NIBAN2: variants seen among roughly 807,000 people sequenced by gnomAD.
NIBAN2 encodes niban apoptosis regulator 2, also known as protein Niban 2.
In NIBAN2, 36 loss-of-function variants were observed where a neutral mutation model predicts 81.8. That is an observed-to-expected ratio of 0.44 (90% CI 0.34 to 0.58). The LOEUF (loss-of-function observed/expected upper bound fraction) is 0.58, where lower values mean the gene tolerates loss of function less well. Among genes scored for constraint, NIBAN2 ranks in the 20% least tolerant of loss-of-function variants. NIBAN2 has a pLI of 0.02. For synonymous variants in NIBAN2, 445 were observed against 441.6 expected, an observed-to-expected ratio of 1.01 and a Z score of -0.10; for missense variants, 897 against 1,014.1, an observed-to-expected ratio of 0.88 and a Z score of 1.57.
chr9:127,570,368 T>C (rs983862595), upstream of NIBAN2, among the ~76,000 whole-genome samples: 1 of 152,206 alleles, frequency 6.6e-6, no homozygotes, highest in Non-Finnish European at 1.5e-5. Flanking sequence ...CCAGGCCCTC[T>C]GCTAGATGCT....
intron 8 of NIBAN2, among the ~76,000 whole-genome samples, chr9:127,511,702 T>C (rs1382097643): frequency 6.6e-6 from 1 of 151,838 alleles, no homozygotes; most frequent in Non-Finnish European, 1.5e-5. Flanking sequence ...AATATAAGGA[T>C]CTCAAACAAG....
intron 2 of NIBAN2, among the ~76,000 whole-genome samples, chr9:127,527,592 T>A (rs1446285617): frequency 6.6e-6 from 1 of 152,196 alleles, no homozygotes; most frequent in Non-Finnish European, 1.5e-5. Flanking sequence ...GGACAGGCAC[T>A]GATGTAGGGC....
At chr9:127,516,513 C>T (rs756822823) in intron 8 of NIBAN2, among the ~76,000 whole-genome samples, 2 of 152,202 alleles carry the variant, frequency 1.3e-5, no homozygotes, top group African/African-American at 2.4e-5. Flanking sequence ...CGCACCACTA[C>T]ATTCCAGCCT....
intron 1 of NIBAN2, among the ~76,000 whole-genome samples, chr9:127,550,542 A>G (rs1483186334): frequency 6.6e-6 from 1 of 152,262 alleles, no homozygotes; most frequent in African/African-American, 2.4e-5. Context: ...CACTTTGCAC[A>G]GAAATATTTA....
intron 1 of NIBAN2, among the ~76,000 whole-genome samples, chr9:127,560,299 C>A (rs1837750026): frequency 6.6e-6 from 1 of 152,168 alleles, no homozygotes; most frequent in Admixed American, 6.5e-5. Flanking sequence ...ATCACTGAGG[C>A]CTGGCCACGC....
intron 1 of NIBAN2, among the ~76,000 whole-genome samples, 188 bp downstream of exon 1, chr9:127,568,632 C>A (rs1297296975): frequency 6.6e-6 from 1 of 152,064 alleles, no homozygotes; most frequent in Non-Finnish European, 1.5e-5. Flanking sequence ...CTCAGAAGAG[C>A]GCGGGAAGGG....
intron 1 of NIBAN2, among the ~76,000 whole-genome samples, chr9:127,566,919 C>G (rs1428802460): frequency 6.7e-5 from 10 of 149,672 alleles, no homozygotes; most frequent in Non-Finnish European, 1.3e-4. Flanking sequence ...ATCAGGAACT[C>G]CCCTCAGGTG....
At chr9:127,573,504 T>A (rs2132247688), upstream of NIBAN2, among the ~76,000 whole-genome samples, 1 of 151,264 alleles carries the variant, frequency 6.6e-6, no homozygotes, top group Middle Eastern at 3.4e-3. Context: ...CTATGAAGGA[T>A]TCCAGGAAGT....
At chr9:127,547,534 C>T (rs1452473894) in intron 1 of NIBAN2, among the ~76,000 whole-genome samples, 1 of 143,222 alleles carries the variant, frequency 7.0e-6, no homozygotes, top group Non-Finnish European at 1.5e-5. Context: ...ACAACAACAA[C>T]AACAACAACA....
intron 8 of NIBAN2, among the ~76,000 whole-genome samples, chr9:127,512,427 C>T (rs954467176): frequency 9.2e-5 from 14 of 151,966 alleles, no homozygotes; most frequent in Admixed American, 6.6e-4. Context: ...GCTGGGACTA[C>T]AGGCATGCGC....
At chr9:127,574,827 G>A (rs1456848350) in intron 1 of NIBAN2, among the ~76,000 whole-genome samples, 1 of 152,196 alleles carries the variant, frequency 6.6e-6, no homozygotes. Flanking sequence ...TTTATTAACT[G>A]TTGGGTGGTG....
Position 127,553,098 on chromosome 9 carries a change from T to C in NIBAN2, c.55+15722A>G, listed in dbSNP as rs559035798. On this transcript the variant is annotated intron_variant, in intron 1 of 13. Coordinates refer to ENST00000373312, the MANE Select transcript of NIBAN2 (RefSeq NM_022833.4). ...AAGGTGCCTGAAAGTCTTTTCTGGG[T>C]GGTAGGATTATCGGTGATTTTCATT... is the stretch of plus-strand genomic sequence containing the variant. 3.9e-5 allele frequency among the ~76,000 whole-genome samples: 6 copies of C among 152,292 alleles called. No homozygotes were observed. In the South Asian group the frequency reaches 1.2e-3, roughly 32 times the overall value.
At position 127,568,878 on chromosome 9, in the gene NIBAN2, C is replaced by T; in HGVS notation, c.-4G>A. 1 of 1,334,714 alleles carries T rather than the reference C, an allele frequency of 7.5e-7. No homozygotes were observed. The highest frequency in any genetic ancestry group is 1.7e-5 in the South Asian group (1 of 57,316). The allele number at this position is 1,334,714 out of a possible 1,614,324, so 82.7% of individuals were successfully genotyped here. On this transcript the variant is annotated 5_prime_UTR_variant, in exon 1 of 14. Coordinates refer to ENST00000373312, the MANE Select transcript of NIBAN2 (RefSeq NM_022833.4). ...GCGTGGACAGCACGTCCCCCATGGC[C>T]AGGAGGTGTCGCGGCCCGATCCGGC...
At chr9:127,549,957 G>A (rs1231661983) in intron 1 of NIBAN2, among the ~76,000 whole-genome samples, 1 of 152,104 alleles carries the variant, frequency 6.6e-6, no homozygotes, top group Non-Finnish European at 1.5e-5. Flanking sequence ...GTGCCTGCGT[G>A]ACCCCATTTG....
rs201535698 is a variant in NIBAN2, at chr9:127,553,062, TA to T, written c.55+15757del. ...TCACTATTAAGGTAGAAGAACAAAT[TA>T]TGTATCAGGAAGGTGCCTGAAAGTC... On this transcript the variant is annotated intron_variant, in intron 1 of 13. Coordinates refer to ENST00000373312, the MANE Select transcript of NIBAN2 (RefSeq NM_022833.4). 3.3e-5 allele frequency among the ~76,000 whole-genome samples: 5 copies of T among 152,244 alleles called. No homozygotes were observed. In the East Asian group the frequency reaches 9.6e-4, roughly 29 times the overall value.
intron 1 of NIBAN2, among the ~76,000 whole-genome samples, chr9:127,554,913 G>T (rs1397103017): frequency 2.0e-5 from 3 of 151,576 alleles, no homozygotes; most frequent in East Asian, 1.9e-4. Flanking sequence ...TATTCTTTTT[G>T]ATTTAATCCA....
chr9:127,547,229 C>A (rs888727599), intron 1 of NIBAN2, among the ~76,000 whole-genome samples: 1 of 152,128 alleles, frequency 6.6e-6, no homozygotes, highest in Admixed American at 6.6e-5. Context: ...TCAGCTGTAA[C>A]ATGGGAGTAA....
At position 127,508,666 on chromosome 9, in the gene NIBAN2, G is replaced by T; in HGVS notation, c.1318-128C>A. 1.2e-6 allele frequency: 1 copy of T among 824,820 alleles called. No homozygotes were observed. Among genetic ancestry groups the T allele is most frequent in the East Asian group, 2.4e-5 (1 of 41,212 alleles). The allele number at this position is 824,820 out of a possible 1,614,324, so 51.1% of individuals were successfully genotyped here. ...GCCTGCCAGGGAGGAATGGCAAGCG[G>T]TCTATGCCCACTCACAGCTCTGCAC... On this transcript the variant is annotated intron_variant, in intron 10 of 13. Coordinates refer to ENST00000373312, the MANE Select transcript of NIBAN2 (RefSeq NM_022833.4). The surrounding 1 kb of genome is among the most constrained non-coding windows in gnomAD (Gnocchi z 6.4).
intron 2 of NIBAN2, among the ~76,000 whole-genome samples, chr9:127,529,187 T>C (rs960477169): frequency 3.3e-5 from 5 of 152,210 alleles, no homozygotes; most frequent in South Asian, 2.1e-4. Context: ...CAAGGTCAGA[T>C]AACTGGAACT....
Sources: gnomAD v4.1 joint callset for allele counts (sites outside exome capture counted in the v4.1 genomes callset) on GRCh38, gnomAD v4.1.1 for gene constraint, Gnocchi (gnomAD v3.1) non-coding constraint, MANE v1.5 for transcripts, NCBI Gene and HGNC (gene_info 2026-07-23, HGNC 2026-07-21) for gene names.